The following CREB5 variants were observed in gnomAD, a reference collection of about 807,000 sequenced individuals.
The protein encoded by CREB5 is cAMP responsive element binding protein 5, also known as cyclic AMP-responsive element-binding protein 5.
A neutral mutation model predicts 57.1 loss-of-function variants in CREB5; 19 were observed. The observed-to-expected ratio is 0.33, with a 90% CI of 0.23 to 0.49. The LOEUF is 0.49. CREB5 is among the 20% of genes least tolerant of loss of function. CREB5 has a pLI of 0.99. For missense variants in CREB5, 579 were observed against 671.6 expected (o/e 0.86, Z 1.52); for synonymous variants, 238 against 238.3 (o/e 1.00, Z 0.01).
intron 4 of CREB5, among the ~76,000 whole-genome samples, chr7:28,510,003 G>A (rs1792637477): frequency 6.6e-6 from 1 of 152,188 alleles, no homozygotes; most frequent in Non-Finnish European, 1.5e-5. Flanking sequence ...TTACACGAGA[G>A]GGCATTGTCT....
At chr7:28,622,501 C>T (rs1162666067) in intron 5 of CREB5, among the ~76,000 whole-genome samples, 2 of 152,226 alleles carry the variant, frequency 1.3e-5, no homozygotes, top group East Asian at 3.8e-4. Flanking sequence ...CATTCTATAA[C>T]TGCCAGGGCT....
intron 7 of CREB5, among the ~76,000 whole-genome samples, chr7:28,796,558 C>T (rs1259929955): frequency 1.3e-5 from 2 of 152,156 alleles, no homozygotes; most frequent in South Asian, 2.1e-4. Flanking sequence ...TCACAGAAGA[C>T]GAATTTGAAG....
intron 3 of CREB5, among the ~76,000 whole-genome samples, chr7:28,499,807 T>G (rs1251399183): frequency 6.6e-6 from 1 of 152,210 alleles, no homozygotes; most frequent in Admixed American, 6.5e-5. Flanking sequence ...GGTCTCGAAC[T>G]CTCAACCTCA....
chr7:28,802,570 A>T (rs1048588065), intron 7 of CREB5, among the ~76,000 whole-genome samples: 3 of 152,260 alleles, frequency 2.0e-5, no homozygotes, highest in Admixed American at 2.0e-4. Flanking sequence ...TAAATACTTC[A>T]TGAAGGCAAT....
At chr7:28,512,918 G>T (rs1792776229) in intron 4 of CREB5, among the ~76,000 whole-genome samples, 1 of 152,170 alleles carries the variant, frequency 6.6e-6, no homozygotes, top group Admixed American at 6.5e-5. Context: ...TAAAAGTGAA[G>T]TCCATCCCCA....
rs114054342 is a variant in CREB5, at chr7:28,716,890, A to G, written c.465-1863A>G. On this transcript the variant is annotated intron_variant, in intron 5 of 10. Transcript: ENST00000357727. ...AAGGCCCTCTTAGTCCTTATTGTCAATCTATACTCCAGAGTTCCAAGAGTA... is the reference window on the plus strand; with the variant it reads ...AAGGCCCTCTTAGTCCTTATTGTCAGTCTATACTCCAGAGTTCCAAGAGTA... 7.6e-3 allele frequency among the ~76,000 whole-genome samples: 1,158 copies of G among 152,226 alleles called. 13 individuals are homozygous for G. The highest frequency in any genetic ancestry group is 0.026 in the African/African-American group (1,075 of 41,528).
At chr7:28,787,574 C>A (rs541896768) in intron 7 of CREB5, among the ~76,000 whole-genome samples, 5 of 152,264 alleles carry the variant, frequency 3.3e-5, no homozygotes, top group African/African-American at 1.2e-4. Context: ...TCTCTTTTGT[C>A]GTTGTTTTTT....
chr7:28,565,387 A>G (rs1795435224), intron 4 of CREB5, among the ~76,000 whole-genome samples: 1 of 152,218 alleles, frequency 6.6e-6, no homozygotes, highest in Non-Finnish European at 1.5e-5. Flanking sequence ...AGAAGGTCAT[A>G]TCTGTACCTT....
At chr7:28,627,637 GT>G (rs1309871222) in intron 5 of CREB5, among the ~76,000 whole-genome samples, 4 of 152,122 alleles carry the variant, frequency 2.6e-5, no homozygotes, top group Admixed American at 2.0e-4. Context: ...GCAAAAAAGG[GT>G]TTTCGCCATG....
chr7:28,462,609 A>G (rs554455301), intron 1 of CREB5, among the ~76,000 whole-genome samples: 11 of 152,250 alleles, frequency 7.2e-5, no homozygotes, highest in African/African-American at 2.6e-4. Context: ...GATTTTGACC[A>G]TTCTAGTGGG....
At chr7:28,569,457 G>T (rs187660215) in intron 4 of CREB5, among the ~76,000 whole-genome samples, 1 of 151,958 alleles carries the variant, frequency 6.6e-6, no homozygotes, top group Non-Finnish European at 1.5e-5. Context: ...GACCTATCTC[G>T]CATATTTTAC....
chr7:28,650,704 T>C (rs899741918), intron 5 of CREB5, among the ~76,000 whole-genome samples: 2 of 152,180 alleles, frequency 1.3e-5, no homozygotes, highest in Non-Finnish European at 2.9e-5. Context: ...AACTACATAT[T>C]TCTTAATAGC....
At chr7:28,532,248 C>T (rs183284309) in intron 4 of CREB5, among the ~76,000 whole-genome samples, 3 of 152,194 alleles carry the variant, frequency 2.0e-5, no homozygotes, top group Admixed American at 1.3e-4. Flanking sequence ...GCAGATCCTC[C>T]AGTCCCGGTC....
intron 4 of CREB5, among the ~76,000 whole-genome samples, chr7:28,560,929 C>CATGCGCGT (rs1562797918): frequency 3.9e-4 from 12 of 30,414 alleles, no homozygotes; most frequent in South Asian, 1.5e-3. Flanking sequence ...TGTGCGCGTG[C>CATGCGCGT]GTGTGTGCGT....
At chr7:28,788,972 G>A (rs1043885388) in intron 7 of CREB5, among the ~76,000 whole-genome samples, 5 of 152,114 alleles carry the variant, frequency 3.3e-5, no homozygotes, top group African/African-American at 9.7e-5. Context: ...CTACATTGAC[G>A]TATATTTTGG....
chr7:28,585,738 G>A (rs973552355), intron 5 of CREB5, among the ~76,000 whole-genome samples: 4 of 152,186 alleles, frequency 2.6e-5, no homozygotes, highest in Non-Finnish European at 5.9e-5. Context: ...GGGCATGAGG[G>A]GGCAAGAGAT....
chr7:28,730,341 C>T (rs887151070), intron 7 of CREB5, among the ~76,000 whole-genome samples: 13 of 144,696 alleles, frequency 9.0e-5, no homozygotes, highest in African/African-American at 3.4e-4. Flanking sequence ...AGATGCGCCA[C>T]CACACCCAGA....
intron 5 of CREB5, among the ~76,000 whole-genome samples, chr7:28,646,132 T>C (rs41320): frequency 0.9 from 136,752 of 152,234 alleles, 61,528 homozygotes; most frequent in African/African-American, 0.95. Context: ...CTCATTGTCA[T>C]GTGAACCTGT....
intron 1 of CREB5, among the ~76,000 whole-genome samples, chr7:28,454,475 C>A (rs1017853055): frequency 9.9e-5 from 15 of 152,180 alleles, no homozygotes; most frequent in Non-Finnish European, 2.2e-4. Flanking sequence ...TTCCTCAGGG[C>A]ATTCCCCCAG....
Sources: allele counts gnomAD v4.1 joint callset (sites outside exome capture counted in the v4.1 genomes callset), GRCh38; gene constraint gnomAD v4.1.1; transcripts MANE v1.5; gene names NCBI Gene and HGNC (gene_info 2026-07-23, HGNC 2026-07-21).